Variants in GLDC observed in about 807,000 individuals in gnomAD.
GLDC encodes the protein glycine dehydrogenase (decarboxylating), mitochondrial.
In GLDC, 104 loss-of-function variants were observed where a neutral mutation model predicts 121.3. The observed-to-expected ratio is 0.86, with a 90% confidence interval of 0.73 to 1.01. The LOEUF (loss-of-function observed/expected upper bound fraction) is 1.01. Among genes scored for constraint, GLDC ranks in the 50% least tolerant of loss-of-function variants. The pLI is 0.00. For missense variants in GLDC, 1,429 were observed against 1,306.6 expected (o/e 1.09, Z -1.44); for synonymous variants, 546 against 480.6 (o/e 1.14, Z -1.78).
intron 21 of GLDC, among the ~76,000 whole-genome samples, chr9:6,544,930 T>C (rs1421442800): frequency 6.6e-6 from 1 of 151,960 alleles, no homozygotes; most frequent in Non-Finnish European, 1.5e-5. Flanking sequence ...AGAAACACTG[T>C]CTCTACTAAA....
chr9:6,588,534 T>C lies in GLDC; in HGVS notation c.1665+84A>G. On this transcript the variant is annotated intron_variant, in intron 13 of 24. Coordinates refer to ENST00000321612, the MANE Select transcript of GLDC (RefSeq NM_000170.3). Reference sequence around the variant, plus strand: ...TTCTCCCAGCATGGCCACCCCTTTGTTGCTCTTGGAGCATATTAGGTAGGA... The same window carrying C: ...TTCTCCCAGCATGGCCACCCCTTTGCTGCTCTTGGAGCATATTAGGTAGGA... 3 of 1,443,570 alleles carry C rather than the reference T, an allele frequency of 2.1e-6. No individual in the cohort carries two copies. The Admixed American group carries it at 5.0e-5, about 24-fold the overall frequency. The allele number at this position is 1,443,570 out of a possible 1,614,324, so 89.4% of individuals were successfully genotyped here.
chr9:6,593,329 G>GC (rs1311027255), intron 9 of GLDC, among the ~76,000 whole-genome samples: 1 of 148,250 alleles, frequency 6.7e-6, no homozygotes, highest in Non-Finnish European at 1.5e-5. Flanking sequence ...GTCTCACTCT[G>GC]TTGTCCAGGC....
intron 15 of GLDC, among the ~76,000 whole-genome samples, chr9:6,575,074 C>T (rs1400421498): frequency 6.6e-6 from 1 of 151,968 alleles, no homozygotes; most frequent in Non-Finnish European, 1.5e-5. Context: ...TGGTGGCGGG[C>T]ACCTGTAGCA....
chr9:6,543,630 C>T (rs1817321355), intron 21 of GLDC, among the ~76,000 whole-genome samples: 1 of 152,172 alleles, frequency 6.6e-6, no homozygotes, highest in South Asian at 2.1e-4. Context: ...GGTGGAATTC[C>T]AGCATCTCTC....
chr9:6,568,085 A>G (rs967476047), intron 15 of GLDC, among the ~76,000 whole-genome samples: 2 of 152,230 alleles, frequency 1.3e-5, no homozygotes, highest in African/African-American at 4.8e-5. Flanking sequence ...TTGAAAGGCC[A>G]ATCAAGGTGT....
chr9:6,620,454 A>G, intron 2 of GLDC, 135 bp from the exon 3 acceptor site: 2 of 767,016 alleles, frequency 2.6e-6, no homozygotes, highest in South Asian at 1.5e-5. Context: ...CATCCATCCA[A>G]CCAACACTAA....
chr9:6,615,164 T>C (rs1343462662), intron 3 of GLDC, among the ~76,000 whole-genome samples: 2 of 152,218 alleles, frequency 1.3e-5, no homozygotes, highest in Non-Finnish European at 2.9e-5. Flanking sequence ...CAGACTAATG[T>C]ACTGTCCAAA....
At chr9:6,625,549 C>T (rs748194695) in intron 2 of GLDC, among the ~76,000 whole-genome samples, 3 of 152,140 alleles carry the variant, frequency 2.0e-5, no homozygotes, top group African/African-American at 4.8e-5. Flanking sequence ...CATACCCAGC[C>T]CCAGGAGACA....
intron 2 of GLDC, 82 bp from the exon 3 acceptor site, chr9:6,620,401 T>G: frequency 8.2e-7 from 1 of 1,218,348 alleles, no homozygotes; most frequent in Non-Finnish European, 1.2e-6. Flanking sequence ...CTCATTTTGT[T>G]TGAGTATTTA....
chr9:6,594,562 G>A (rs1818450281), intron 9 of GLDC, among the ~76,000 whole-genome samples: 1 of 152,142 alleles, frequency 6.6e-6, no homozygotes, highest in African/African-American at 2.4e-5. Flanking sequence ...CAGACATGGT[G>A]GCGTGTACCT....
At chr9:6,604,934 A>T in intron 6 of GLDC, 150 bp from the exon 7 acceptor site, 1 of 862,994 alleles carries the variant, frequency 1.2e-6, no homozygotes, top group South Asian at 1.4e-5. Context: ...CAGTAAATAC[A>T]TACTGAGTGC....
intron 22 of GLDC, among the ~76,000 whole-genome samples, chr9:6,537,612 C>T (rs1817158564): frequency 6.6e-6 from 1 of 152,180 alleles, no homozygotes; most frequent in South Asian, 2.1e-4. Context: ...AAAACCCCGT[C>T]TCTACAAAAA....
intron 15 of GLDC, among the ~76,000 whole-genome samples, chr9:6,585,847 T>G (rs1031445614): frequency 1.8e-5 from 2 of 112,660 alleles, no homozygotes; most frequent in African/African-American, 3.6e-5. Flanking sequence ...TATGTATGTA[T>G]GTATGTATGT....
chr9:6,583,537 A>G lies in GLDC; in HGVS notation c.1850+3604T>C, dbSNP rs146453118. 2.1e-3 allele frequency among the ~76,000 whole-genome samples: 327 copies of G among 152,256 alleles called. 2 individuals carry two copies. The highest frequency in any genetic ancestry group is 7.6e-3 in the African/African-American group (316 of 41,550). On this transcript the variant is annotated intron_variant, in intron 15 of 24. Transcript: ENST00000321612. ...CAAAAACTTTTAAAAATCGCCAGGC[A>G]TAGTGATGCGTGCCAGTAGTCCCAG...
intron 3 of GLDC, among the ~76,000 whole-genome samples, chr9:6,612,943 G>C (rs1563861465): frequency 6.6e-6 from 1 of 152,100 alleles, no homozygotes; most frequent in Non-Finnish European, 1.5e-5. Context: ...CTCCCGCCTG[G>C]GTGACGGGAG....
intron 2 of GLDC, among the ~76,000 whole-genome samples, chr9:6,626,751 C>T (rs1819247441): frequency 6.6e-6 from 1 of 152,140 alleles, no homozygotes; most frequent in African/African-American, 2.4e-5. Flanking sequence ...AAAGGTCAAG[C>T]CCCTTGCGAG....
chr9:6,637,232 C>A (rs959853483), intron 2 of GLDC, among the ~76,000 whole-genome samples: 57 of 151,934 alleles, frequency 3.8e-4, no homozygotes, highest in African/African-American at 1.4e-3. Flanking sequence ...TGGTGAAACC[C>A]CGTCTCTACT....
chr9:6,545,533 G>C (rs1302487038), intron 21 of GLDC, among the ~76,000 whole-genome samples: 2 of 152,112 alleles, frequency 1.3e-5, no homozygotes, highest in Non-Finnish European at 2.9e-5. Flanking sequence ...GGAAGGTCTA[G>C]GACATTCCTG....
At chr9:6,538,822 C>G (rs749532427) in intron 22 of GLDC, among the ~76,000 whole-genome samples, 51 of 152,300 alleles carry the variant, frequency 3.3e-4, no homozygotes, top group Admixed American at 1.2e-3. Context: ...CAATCGCTAG[C>G]CGGGAGGCTG....
Sources: gnomAD v4.1 joint callset for allele counts (sites outside exome capture counted in the v4.1 genomes callset) on GRCh38, gnomAD v4.1.1 for gene constraint, MANE v1.5 for transcripts, NCBI Gene and HGNC (gene_info 2026-07-23, HGNC 2026-07-21) for gene names.